The following NELL2 variants were observed in gnomAD, a reference collection of about 807,000 sequenced individuals.
NELL2 encodes the protein protein kinase C-binding protein NELL2.
NELL2 carries 41 observed loss-of-function variants against 109.6 expected under a neutral mutation model. The ratio of observed to expected loss-of-function variants is 0.37; its 90% confidence interval spans 0.29 to 0.49. The LOEUF (loss-of-function observed/expected upper bound fraction) is 0.49, where lower values mean the gene tolerates loss of function less well. Among genes scored for constraint, NELL2 ranks in the 20% least tolerant of loss-of-function variants. NELL2 has a pLI of 0.98. For missense variants in NELL2, 900 were observed against 1,008.3 expected (o/e 0.89, Z 1.45); for synonymous variants, 355 against 344.7 (o/e 1.03, Z -0.33).
chr12:44,904,683 CCTAA>C (rs1945700486), intron 1 of NELL2, among the ~76,000 whole-genome samples: 1 of 151,976 alleles, frequency 6.6e-6, no homozygotes, highest in Non-Finnish European at 1.5e-5. Flanking sequence ...GTTAGCCCAC[CCTAA>C]CTAATATGGG....
intron 14 of NELL2, 97 bp downstream of exon 14, chr12:44,610,751 C>A: frequency 6.6e-7 from 1 of 1,521,906 alleles, no homozygotes; most frequent in Non-Finnish European, 9.0e-7. Flanking sequence ...TAGGAAGTAC[C>A]TGGAATGTAC....
At chr12:44,840,128 A>C (rs908821713) in intron 2 of NELL2, among the ~76,000 whole-genome samples, 1 of 151,976 alleles carries the variant, frequency 6.6e-6, no homozygotes, top group African/African-American at 2.4e-5. Flanking sequence ...CCCTTATCTC[A>C]TTGGCCTGTC....
At chr12:44,896,842 C>T (rs1945599086) in intron 1 of NELL2, among the ~76,000 whole-genome samples, 1 of 152,158 alleles carries the variant, frequency 6.6e-6, no homozygotes, top group Admixed American at 6.5e-5. Context: ...ACTTTAGATG[C>T]ACGAGATGGA....
At chr12:44,530,255 C>T (rs910497468) in intron 16 of NELL2, among the ~76,000 whole-genome samples, 1 of 152,144 alleles carries the variant, frequency 6.6e-6, no homozygotes, top group African/African-American at 2.4e-5. Flanking sequence ...CTTTTGACTA[C>T]TTCTGTGTCT....
chr12:44,572,152 T>C (rs1943895952), intron 15 of NELL2, among the ~76,000 whole-genome samples: 2 of 152,158 alleles, frequency 1.3e-5, no homozygotes, highest in South Asian at 4.1e-4. Flanking sequence ...TATTTATTTG[T>C]TTATTTTTAG....
chr12:44,660,768 C>A (rs1473752196), intron 13 of NELL2, among the ~76,000 whole-genome samples: 1 of 152,066 alleles, frequency 6.6e-6, no homozygotes, highest in Non-Finnish European at 1.5e-5. Flanking sequence ...TAGTAGAGAG[C>A]AGAGAGAAAT....
chr12:44,723,137 C>T (rs1030519656), intron 9 of NELL2, among the ~76,000 whole-genome samples: 8 of 151,284 alleles, frequency 5.3e-5, no homozygotes, highest in African/African-American at 1.7e-4. Context: ...TGCAGTGAGC[C>T]GAGATCGCAC....
chr12:44,544,739 T>C (rs1942723802), intron 15 of NELL2, among the ~76,000 whole-genome samples: 2 of 152,228 alleles, frequency 1.3e-5, no homozygotes, highest in Non-Finnish European at 2.9e-5. Context: ...ATTCACATAG[T>C]AATGATATGA....
intron 15 of NELL2, among the ~76,000 whole-genome samples, chr12:44,580,574 G>A (rs924886668): frequency 6.6e-6 from 1 of 152,072 alleles, no homozygotes; most frequent in African/African-American, 2.4e-5. Flanking sequence ...AAAAATTAGT[G>A]TGGTGGTGGG....
At chr12:44,558,828 G>A (rs997762212) in intron 15 of NELL2, among the ~76,000 whole-genome samples, 20 of 152,154 alleles carry the variant, frequency 1.3e-4, no homozygotes, top group Admixed American at 8.5e-4. Context: ...AGACAGAACC[G>A]TTCACTACCC....
intron 11 of NELL2, among the ~76,000 whole-genome samples, chr12:44,705,707 C>A (rs1937839174): frequency 6.6e-6 from 1 of 152,134 alleles, no homozygotes; most frequent in Non-Finnish European, 1.5e-5. Context: ...TCAAAAACCA[C>A]TTTATATTTA....
intron 1 of NELL2, among the ~76,000 whole-genome samples, chr12:44,897,040 C>T (rs543709686): frequency 1.3e-5 from 2 of 152,156 alleles, no homozygotes; most frequent in South Asian, 2.1e-4. Context: ...TCTGCTGGTA[C>T]TATTGACATG....
intron 3 of NELL2, among the ~76,000 whole-genome samples, chr12:44,796,061 A>G (rs1652361528): frequency 6.6e-6 from 1 of 152,180 alleles, no homozygotes; most frequent in South Asian, 2.1e-4. Context: ...AATTCTCTCT[A>G]AGCCTCAGTT....
At position 44,744,929 on chromosome 12, in the gene NELL2, G is replaced by A. The variant is rs557014534; in HGVS notation, c.994+29818C>T. 2.4e-3 allele frequency among the ~76,000 whole-genome samples: 363 copies of A among 152,272 alleles called. 1 individual carries two copies. The highest frequency in any genetic ancestry group is 8.1e-3 in the African/African-American group (337 of 41,560). ...AACTATTCCAACCAATAGAAAAAGA[G>A]GGAATCCTCCCTAACTCATTTTATG... On this transcript the variant is annotated intron_variant, in intron 9 of 19. Transcript: ENST00000429094.
chr12:44,533,690 A>G lies in NELL2; in HGVS notation c.1664-969T>C, dbSNP rs921177034. Among the ~76,000 whole-genome samples, 14 of 152,172 alleles carry G rather than the reference A, an allele frequency of 9.2e-5. 1 individual carries two copies. Among genetic ancestry groups the G allele is most frequent in the African/African-American group, 3.1e-4 (13 of 41,452 alleles). On this transcript the variant is annotated intron_variant, in intron 15 of 19. Transcript: ENST00000429094. Reference sequence around the variant, plus strand: ...GTTTCGTCTACTGAATCGTGAGAACATCCAACACCATCCGAGTACCTTCCT... The same window carrying G: ...GTTTCGTCTACTGAATCGTGAGAACGTCCAACACCATCCGAGTACCTTCCT...
At position 44,779,871 on chromosome 12, in the gene NELL2, T is replaced by G. The variant is rs1368317920; in HGVS notation, c.487A>C (p.Ile163Leu). Residue 163 changes from isoleucine (I) to leucine (L), a missense_variant, in exon 4 of 20, where the codon ATT becomes CTT. Physicochemically the swap from Ile to Leu is conservative, Grantham distance 5. Around this residue, in one of 4 missense-constraint regions of NELL2, gnomAD observed 200 missense variants for 191.8 expected, o/e 1.04. Coordinates refer to ENST00000429094, the MANE Select transcript of NELL2 (RefSeq NM_001145108.2). ...LSLAISASHL[I>L]LHIDCNKIYE... is the part of the protein sequence containing the mutation. ...TACTTATTGCAGTCAATGTGTAAAA[T>G]CAAATGGGAAGCACTGATGGCTAAG... The G allele has an allele frequency of 1.2e-6, 2 of 1,613,850 alleles. No homozygotes were observed. The highest frequency in any genetic ancestry group is 1.7e-6 in the Non-Finnish European group (2 of 1,179,794).
At chr12:44,645,020 G>A (rs1476933463) in intron 13 of NELL2, among the ~76,000 whole-genome samples, 6 of 152,030 alleles carry the variant, frequency 3.9e-5, no homozygotes, top group African/African-American at 1.4e-4. Flanking sequence ...ACAGAGGATG[G>A]GTAAGAGCCA....
intron 9 of NELL2, among the ~76,000 whole-genome samples, chr12:44,761,889 A>T (rs919082968): frequency 6.6e-6 from 1 of 152,190 alleles, no homozygotes; most frequent in Non-Finnish European, 1.5e-5. Context: ...AGGGAAGAGT[A>T]GAAGGGGCGT....
chr12:44,695,884 T>C (rs1043517407), intron 12 of NELL2, among the ~76,000 whole-genome samples: 5 of 152,086 alleles, frequency 3.3e-5, no homozygotes, highest in African/African-American at 9.7e-5. Flanking sequence ...CTTGGGAGGC[T>C]GAGGTGGGGG....
Sources: allele counts gnomAD v4.1 joint callset (sites outside exome capture counted in the v4.1 genomes callset), GRCh38; gene constraint gnomAD v4.1.1; regional missense constraint gnomAD v4.1.1; transcripts MANE v1.5; gene names NCBI Gene and HGNC (gene_info 2026-07-23, HGNC 2026-07-21).